CA10: variants seen among roughly 807,000 people sequenced by gnomAD.
CA10 encodes the protein carbonic anhydrase 10 (inactive).
Under a neutral mutation model 44.2 loss-of-function variants are expected in CA10, and 14 were observed. The observed-to-expected ratio is 0.32, with a 90% CI of 0.21 to 0.50. The LOEUF is 0.50. Among genes scored for constraint, CA10 ranks in the 20% least tolerant of loss-of-function variants. The pLI, the probability that CA10 is intolerant of heterozygous loss-of-function variation, is 0.99. For missense variants in CA10, 350 were observed against 409.7 expected (o/e 0.85, Z 1.26); for synonymous variants, 159 against 141.6 (o/e 1.12, Z -0.87).
chr17:51,757,675 G>A (rs2143629768), intron 3 of CA10, among the ~76,000 whole-genome samples: 1 of 152,278 alleles, frequency 6.6e-6, no homozygotes, highest in South Asian at 2.1e-4. Context: ...TAGAAAAACA[G>A]AAACAATTCA....
chr17:51,983,288 G>A (rs1292001121), intron 2 of CA10, among the ~76,000 whole-genome samples: 1 of 151,792 alleles, frequency 6.6e-6, no homozygotes, highest in Admixed American at 6.6e-5. Flanking sequence ...ATAACAGAGA[G>A]TGGTTTCTGT....
intron 2 of CA10, among the ~76,000 whole-genome samples, chr17:51,995,935 A>G (rs1985220121): frequency 1.3e-5 from 2 of 151,984 alleles, no homozygotes; most frequent in African/African-American, 4.8e-5. Flanking sequence ...TCAACTTCCC[A>G]TCATTCTCTC....
intron 4 of CA10, among the ~76,000 whole-genome samples, chr17:51,678,322 G>A (rs1281930286): frequency 6.6e-6 from 1 of 152,098 alleles, no homozygotes; most frequent in Admixed American, 6.6e-5. Context: ...TGTGCTAAGT[G>A]CCATTAAATT....
intron 3 of CA10, among the ~76,000 whole-genome samples, chr17:51,811,573 A>T (rs1907368605): frequency 6.6e-6 from 1 of 152,120 alleles, no homozygotes; most frequent in South Asian, 2.1e-4. Flanking sequence ...GCTGAGAATG[A>T]TGGTTTCCAG....
At chr17:51,817,034 G>A (rs1907589333) in intron 3 of CA10, among the ~76,000 whole-genome samples, 1 of 152,184 alleles carries the variant, frequency 6.6e-6, no homozygotes, top group Admixed American at 6.5e-5. Context: ...AGCCCATCCT[G>A]ACTGGCTGTA....
intron 2 of CA10, among the ~76,000 whole-genome samples, chr17:51,984,485 A>C (rs566045343): frequency 6.6e-6 from 1 of 152,006 alleles, no homozygotes; most frequent in African/African-American, 2.4e-5. Context: ...CAAACCCAAC[A>C]GAAAAAAGGA....
chr17:52,100,082 T>C (rs1456931954), intron 1 of CA10, among the ~76,000 whole-genome samples: 2 of 152,054 alleles, frequency 1.3e-5, no homozygotes, highest in Non-Finnish European at 2.9e-5. Flanking sequence ...AAGAGAGTGG[T>C]AGTTGGAAGG....
At chr17:51,947,022 A>C (rs1758312327) in intron 2 of CA10, among the ~76,000 whole-genome samples, 1 of 152,094 alleles carries the variant, frequency 6.6e-6, no homozygotes, top group African/African-American at 2.4e-5. Flanking sequence ...AAAATAAAAT[A>C]TTGATAAGCA....
At chr17:51,747,293 C>T (rs549907674) in intron 4 of CA10, among the ~76,000 whole-genome samples, 1 of 152,212 alleles carries the variant, frequency 6.6e-6, no homozygotes, top group East Asian at 1.9e-4. Context: ...GGCTGATCGC[C>T]CAGATAGGTG....
intron 3 of CA10, among the ~76,000 whole-genome samples, chr17:51,867,094 C>A (rs1979582874): frequency 6.6e-6 from 1 of 151,978 alleles, no homozygotes; most frequent in Non-Finnish European, 1.5e-5. Context: ...AAAAAAAGAG[C>A]CTCTAAATTG....
At chr17:51,795,164 T>C (rs1480675235) in intron 3 of CA10, among the ~76,000 whole-genome samples, 2 of 152,200 alleles carry the variant, frequency 1.3e-5, no homozygotes, top group Non-Finnish European at 2.9e-5. Context: ...ATACAGCCCC[T>C]GCTTAGTAAA....
At chr17:51,943,751 T>C (rs952492483) in intron 2 of CA10, among the ~76,000 whole-genome samples, 1 of 152,160 alleles carries the variant, frequency 6.6e-6, no homozygotes, top group Non-Finnish European at 1.5e-5. Flanking sequence ...CAATTGTCCA[T>C]AGGTCATGAT....
chr17:52,075,249 G>A (rs1275000925), intron 1 of CA10, among the ~76,000 whole-genome samples: 1 of 152,148 alleles, frequency 6.6e-6, no homozygotes, highest in Admixed American at 6.5e-5. Flanking sequence ...CCTGGGCATG[G>A]TGCACTAGAA....
At chr17:51,642,737 A>G (rs1050277074) in intron 6 of CA10, among the ~76,000 whole-genome samples, 5 of 151,932 alleles carry the variant, frequency 3.3e-5, no homozygotes, top group Non-Finnish European at 1.5e-5. Flanking sequence ...CCGCCTCCCA[A>G]GTTTCAGTGA....
At chr17:51,956,680 G>A (rs1983676949) in intron 2 of CA10, among the ~76,000 whole-genome samples, 2 of 152,110 alleles carry the variant, frequency 1.3e-5, no homozygotes, top group African/African-American at 2.4e-5. Flanking sequence ...CATCATTTAA[G>A]CCCTTAGGGT....
intron 3 of CA10, among the ~76,000 whole-genome samples, chr17:51,897,721 T>G (rs1392615415): frequency 6.6e-6 from 1 of 152,060 alleles, no homozygotes; most frequent in Non-Finnish European, 1.5e-5. Flanking sequence ...CCATTTGTTT[T>G]TGTCATCTCT....
At chr17:51,674,528 C>CT (rs1463291831) in intron 4 of CA10, among the ~76,000 whole-genome samples, 2 of 152,068 alleles carry the variant, frequency 1.3e-5, no homozygotes, top group South Asian at 2.1e-4. Flanking sequence ...TATATTCTAG[C>CT]TTTTTTCTTT....
intron 1 of CA10, among the ~76,000 whole-genome samples, chr17:52,145,843 A>G (rs1394847042): frequency 6.6e-6 from 1 of 152,184 alleles, no homozygotes; most frequent in East Asian, 1.9e-4. Flanking sequence ...AATACAGTAA[A>G]ATGGTAAGGA....
At chr17:51,958,222 T>G (rs1983740539) in intron 2 of CA10, among the ~76,000 whole-genome samples, 1 of 151,900 alleles carries the variant, frequency 6.6e-6, no homozygotes, top group South Asian at 2.1e-4. Flanking sequence ...TTGCCTCAAA[T>G]TCCATGTAAG....
Sources: allele counts gnomAD v4.1 joint callset (sites outside exome capture counted in the v4.1 genomes callset), GRCh38; gene constraint gnomAD v4.1.1; transcripts MANE v1.5; gene names NCBI Gene and HGNC (gene_info 2026-07-23, HGNC 2026-07-21).